Variants in ADGRF3 observed in about 807,000 individuals in gnomAD.
ADGRF3 encodes the protein G protein-coupled receptor 113.
ADGRF3 carries 85 observed loss-of-function variants against 93.2 expected under a neutral mutation model. The ratio of observed to expected loss-of-function variants is 0.91; its 90% CI spans 0.77 to 1.09. The LOEUF is 1.09. Ranked by LOEUF, ADGRF3 falls within the 50% of genes least tolerant of loss-of-function variation. ADGRF3 has a pLI of 0.00. For synonymous variants in ADGRF3, 534 were observed against 532.5 expected, an observed-to-expected ratio of 1.00 and a Z score of -0.04; for missense variants, 1,125 against 1,246.2, an observed-to-expected ratio of 0.90 and a Z score of 1.46.
intron 1 of ADGRF3, chr2:26,319,114 A>G (rs1674952897): frequency 2.0e-6 from 3 of 1,504,360 alleles, no homozygotes; most frequent in South Asian, 2.5e-5. Context: ...CTGGCAGGGC[A>G]GTGTGCAGAT....
In ADGRF3 at chr2:26,332,780, A is replaced by AT. The variant is rs149262380; in HGVS notation, c.114+13340dup. On this transcript the variant is annotated intron_variant, in intron 1 of 13. Coordinates refer to ENST00000651242, the MANE Select transcript of ADGRF3 (RefSeq NM_001321971.2). ...AAAGTTATAACCAAACTTTATGTTA[A>AT]TTTTTTTTTCTATTTTTGCAGAGAC... Among the ~76,000 whole-genome samples the AT allele has an allele frequency of 1.4e-3, 208 of 151,174 alleles. 1 individual carries two copies. The highest frequency in any genetic ancestry group is 3.4e-3 in the Admixed American group (51 of 15,160).
Position 26,308,325 on chromosome 2 carries a change from C to A in ADGRF3, c.*761G>T, listed in dbSNP as rs923365853. 1 of 152,034 alleles carries A rather than the reference C, an allele frequency of 6.6e-6. No individual in the cohort carries two copies. Among genetic ancestry groups the A allele is most frequent in the Admixed American group, 6.5e-5 (1 of 15,278 alleles). 9.4% of individuals were successfully genotyped at this position (152,034 alleles called of 1,614,324 possible). A position where few individuals can be genotyped will look rare whatever the true frequency, so the allele number is the denominator to read the frequency against. On this transcript the variant is annotated 3_prime_UTR_variant, in exon 14 of 14. Transcript: ENST00000651242. ...TTTCTCAGAATCCTGTCATCTTCCTCTTGTGAATTCCATAAGTTAATTCAG... is the reference window on the plus strand; with the variant it reads ...TTTCTCAGAATCCTGTCATCTTCCTATTGTGAATTCCATAAGTTAATTCAG...
chr2:26,328,971 T>A (rs1310480127), intron 1 of ADGRF3, among the ~76,000 whole-genome samples: 1 of 152,250 alleles, frequency 6.6e-6, no homozygotes, highest in Non-Finnish European at 1.5e-5. Context: ...TATGTAAATG[T>A]ATATGTCAAA....
intron 8 of ADGRF3, 57 bp downstream of exon 8, chr2:26,313,320 A>G: frequency 6.7e-7 from 1 of 1,481,858 alleles, no homozygotes; most frequent in South Asian, 1.4e-5. Context: ...GCTGGGTCCT[A>G]GAGAGGCTAG....
At chr2:26,333,943 C>A (rs963713991) in intron 1 of ADGRF3, among the ~76,000 whole-genome samples, 3 of 152,072 alleles carry the variant, frequency 2.0e-5, no homozygotes, top group East Asian at 3.9e-4. Flanking sequence ...GTCTCAGCCT[C>A]CTGAGTACTG....
At chr2:26,312,674 C>T (rs1207998782) in intron 9 of ADGRF3, among the ~76,000 whole-genome samples, 1 of 152,244 alleles carries the variant, frequency 6.6e-6, no homozygotes, top group African/African-American at 2.4e-5. Context: ...TAGCCACACG[C>T]CTGCATGCGC....
intron 1 of ADGRF3, among the ~76,000 whole-genome samples, chr2:26,341,839 T>C (rs1216342259): frequency 1.3e-5 from 2 of 152,146 alleles, no homozygotes; most frequent in Admixed American, 6.5e-5. Context: ...TTTGGGAGGC[T>C]GAGGCGGGCA....
At chr2:26,339,568 T>C (rs1278270876) in intron 1 of ADGRF3, among the ~76,000 whole-genome samples, 1 of 152,162 alleles carries the variant, frequency 6.6e-6, no homozygotes, top group Non-Finnish European at 1.5e-5. Flanking sequence ...ATTTTTTTCT[T>C]TCCTCTTGGG....
chr2:26,316,892 C>G lies in ADGRF3; in HGVS notation c.325+20G>C, dbSNP rs1479097225. ...GCCTATGTTCATTCACTCTCAGCCC[C>G]CTTCCCACGCAAGTGGTACCTGTTG... is the stretch of plus-strand genomic sequence containing the variant. On this transcript the variant is annotated intron_variant, in intron 3 of 13. Transcript: ENST00000651242. The G allele has an allele frequency of 4.4e-6, 7 of 1,589,716 alleles. No homozygotes were observed. Among genetic ancestry groups the G allele is most frequent in the Non-Finnish European group, 6.0e-6 (7 of 1,171,490 alleles).
intron 1 of ADGRF3, among the ~76,000 whole-genome samples, chr2:26,329,347 G>T (rs938827541): frequency 1.3e-5 from 2 of 152,148 alleles, no homozygotes; most frequent in African/African-American, 4.8e-5. Flanking sequence ...TGCCCAGGCT[G>T]GTCTCAAACT....
chr2:26,334,794 G>A (rs1675947847), intron 1 of ADGRF3, among the ~76,000 whole-genome samples: 1 of 152,020 alleles, frequency 6.6e-6, no homozygotes, highest in African/African-American at 2.4e-5. Flanking sequence ...TTTTAGCTTT[G>A]CATAATTTGC....
Position 26,313,842 on chromosome 2 carries a change from C to T in ADGRF3, c.990G>A (p.Met330Ile). The change falls in exon 7 of 14, where the codon ATG becomes ATA. Residue 330 changes from methionine to isoleucine, a missense_variant. Transcript: ENST00000651242. ...GGTCACAAGCGTACGTGGTGTCAGC[C>T]ATCGGGCAGCGCTGAACAGCCAGCA... ...CFVLAVQRCP[M>I]ADTTYACDLQ... 1 of 1,614,030 alleles carries T rather than the reference C, an allele frequency of 6.2e-7. No individual in the cohort carries two copies. Among genetic ancestry groups the T allele is most frequent in the Non-Finnish European group, 8.5e-7 (1 of 1,179,894 alleles).
At chr2:26,319,016 C>T in intron 1 of ADGRF3, 1 of 1,551,576 alleles carries the variant, frequency 6.4e-7, no homozygotes, top group Non-Finnish European at 8.7e-7. Context: ...AGAGTTGTGG[C>T]CAGGAGCAGC....
chr2:26,322,459 A>G (rs1281741902), intron 1 of ADGRF3, among the ~76,000 whole-genome samples: 1 of 152,186 alleles, frequency 6.6e-6, no homozygotes, highest in Non-Finnish European at 1.5e-5. Flanking sequence ...AGAGCAACAT[A>G]TTCCTAGTTC....
Position 26,313,363 on chromosome 2 carries a change from G to C in ADGRF3, c.1269+14C>G. On this transcript the variant is annotated intron_variant, in intron 8 of 13. Coordinates refer to ENST00000651242, the MANE Select transcript of ADGRF3 (RefSeq NM_001321971.2). Reference sequence around the variant, plus strand: ...CGTGGAGGGGGCACGTGGGCAGCAGGGTGGAAGCTTCACCTTGGTTCTAGT... The same window carrying C: ...CGTGGAGGGGGCACGTGGGCAGCAGCGTGGAAGCTTCACCTTGGTTCTAGT... The C allele has an allele frequency of 6.4e-7, 1 of 1,564,832 alleles. No homozygotes were observed. The highest frequency in any genetic ancestry group is 1.2e-5 in the South Asian group (1 of 83,092).
chr2:26,343,549 C>G (rs1298532733), intron 1 of ADGRF3, among the ~76,000 whole-genome samples: 1 of 152,114 alleles, frequency 6.6e-6, no homozygotes, highest in Non-Finnish European at 1.5e-5. Flanking sequence ...ACACCATTCT[C>G]CTGCCTCAGC....
intron 9 of ADGRF3, 127 bp downstream of exon 9, chr2:26,312,816 C>T (rs1372993104): frequency 1.4e-5 from 12 of 833,278 alleles, no homozygotes; most frequent in Non-Finnish European, 2.2e-5. Flanking sequence ...GAGCAGGCCC[C>T]TGGACTCTGG....
Position 26,311,736 on chromosome 2 carries a change from G to A in ADGRF3, c.1788C>T (p.His596=), listed in dbSNP as rs763971237. The A allele has an allele frequency of 2.2e-5, 36 of 1,613,368 alleles. No homozygotes were observed. The highest frequency in any genetic ancestry group is 1.6e-4 in the Middle Eastern group (1 of 6,082). The change falls in exon 10 of 14, where the codon CAC becomes CAT. Residue 596 remains histidine (H), a synonymous_variant. Transcript: ENST00000651242. ...CTTGTCCATAGTTTGAGGGCAGAAG[G>A]TGGTCCAGTTTTCGCAGCACCAGGC... The part of the protein sequence containing the change: ...ITSLVLRKLD[H]LLPSNYGQGL...
intron 1 of ADGRF3, among the ~76,000 whole-genome samples, chr2:26,342,668 T>C (rs151157442): frequency 1.2e-3 from 184 of 152,338 alleles, no homozygotes; most frequent in African/African-American, 4.2e-3. Flanking sequence ...TAAACTTCAA[T>C]GGATGAAGAG....
Sources: gnomAD v4.1 joint callset for allele counts (sites outside exome capture counted in the v4.1 genomes callset) on GRCh38, gnomAD v4.1.1 for gene constraint, MANE v1.5 for transcripts, NCBI Gene and HGNC (gene_info 2026-07-23, HGNC 2026-07-21) for gene names.